Variants in DDX11 observed in about 807,000 individuals in gnomAD.
DDX11 encodes the protein DEAD/H-box helicase 11, also known as ATP-dependent DNA helicase DDX11.
Under a neutral mutation model 125.2 loss-of-function variants are expected in DDX11, and 72 were observed. The observed-to-expected ratio is 0.58, with a 90% CI of 0.48 to 0.70. The LOEUF (loss-of-function observed/expected upper bound fraction) is 0.70, where lower values mean the gene tolerates loss of function less well. Among genes scored for constraint, DDX11 ranks in the 30% least tolerant of loss-of-function variants. The pLI, the probability that DDX11 is intolerant of heterozygous loss-of-function variation, is 0.00. For synonymous variants in DDX11, 347 were observed against 452.6 expected (o/e 0.77, Z 2.96); for missense variants, 883 against 1,165.0 (o/e 0.76, Z 3.52).
chr12:31,100,890 G>A (rs1946261059), intron 19 of DDX11, 137 bp from the exon 20 acceptor site: 1 of 1,095,034 alleles, frequency 9.1e-7, no homozygotes, highest in African/African-American at 1.5e-5. Context: ...TGCCCAGTGT[G>A]ACTGGTGATG....
At chr12:31,096,418 C>G in intron 15 of DDX11, 39 bp downstream of exon 15, 1 of 1,613,008 alleles carries the variant, frequency 6.2e-7, no homozygotes, top group Non-Finnish European at 8.5e-7. Context: ...CAAGACCCAG[C>G]TGTGCCCCAA....
rs1174777282 is a variant in DDX11 at position 31,101,907 on chromosome 12, C to T, written c.2127C>T (p.Ser709=). ...VPGGVVCFFP[S]YEYLRQVHAH... ...GAGGGGTGGTCTGTTTCTTCCCCTC[C>T]TACGAGTACCTGCGCCAGGTCCATG... The change falls in exon 21 of 27, where the codon TCC becomes TCT. Residue 709 remains serine, a synonymous_variant. Coordinates refer to ENST00000542838, the MANE Select transcript of DDX11 (RefSeq NM_030653.4). 1 of 1,613,756 alleles carries T rather than the reference C, an allele frequency of 6.2e-7. No homozygotes were observed. Among genetic ancestry groups the T allele is most frequent in the Non-Finnish European group, 8.5e-7 (1 of 1,179,824 alleles).
chr12:31,094,327 C>T (rs947370910), intron 12 of DDX11: 2 of 471,026 alleles, frequency 4.2e-6, no homozygotes, highest in Non-Finnish European at 8.1e-6. Context: ...TGTGTCCCGG[C>T]CTCCTGGAGA....
At chr12:31,084,186 C>T (rs1400332299) in intron 3 of DDX11, 125 bp downstream of exon 3, 1 of 1,317,588 alleles carries the variant, frequency 7.6e-7, no homozygotes, top group East Asian at 2.3e-5. Context: ...CTCAGCTCTT[C>T]CCTCAGCTCC....
chr12:31,090,141 G>T (rs1213871784), intron 9 of DDX11, 47 bp downstream of exon 9: 6 of 1,545,904 alleles, frequency 3.9e-6, no homozygotes, highest in Non-Finnish European at 5.2e-6. Flanking sequence ...TCTCACTGTG[G>T]TCTAGGCCAT....
chr12:31,094,010 C>T (rs1363192250), intron 12 of DDX11, among the ~76,000 whole-genome samples: 39 of 145,426 alleles, frequency 2.7e-4, no homozygotes, highest in African/African-American at 5.7e-4. Context: ...GTATTTGAAT[C>T]CTTGTTGATA....
intron 2 of DDX11, among the ~76,000 whole-genome samples, chr12:31,079,863 C>G (rs565535301): frequency 2.0e-5 from 3 of 151,924 alleles, no homozygotes; most frequent in South Asian, 2.1e-4. Context: ...GGATACAATT[C>G]AGTCCACAGC....
At chr12:31,100,486 T>G (rs1353547856) in intron 18 of DDX11, 149 bp from the exon 19 acceptor site, 2 of 646,800 alleles carry the variant, frequency 3.1e-6, no homozygotes, top group Admixed American at 3.0e-5. Flanking sequence ...GTCACCATTT[T>G]TCTTTTTGTT....
intron 6 of DDX11, 23 bp downstream of exon 6, chr12:31,088,006 G>C: frequency 6.2e-7 from 1 of 1,607,274 alleles, no homozygotes. Context: ...TCCTCAGCTG[G>C]TGCTGTGCTG....
Position 31,083,793 on chromosome 12 carries a change from G to A in DDX11, c.145-20G>A, listed in dbSNP as rs1216725932. ...GCTTTGTTGTTTTCCTGTTTCTAAA[G>A]ATCATTTTTCTTCCTGCAGGGGAAG... On this transcript the variant is annotated intron_variant, in intron 2 of 26. Coordinates refer to ENST00000542838, the MANE Select transcript of DDX11 (RefSeq NM_030653.4). The A allele has an allele frequency of 7.4e-6, 12 of 1,611,478 alleles. No individual in the cohort carries two copies. The highest frequency in any genetic ancestry group is 1.7e-5 in the Admixed American group (1 of 59,982).
chr12:31,102,020 CA>C, intron 21 of DDX11, 38 bp downstream of exon 21: 2 of 1,602,682 alleles, frequency 1.2e-6, no homozygotes, highest in Non-Finnish European at 1.7e-6. Flanking sequence ...CTTGTGAGGA[CA>C]GTGCCACTGA....
rs759478301 is a variant in DDX11 at position 31,097,990 on chromosome 12, T to G, written c.1868T>G (p.Met623Arg). The change falls in exon 18 of 27, where the codon ATG (methionine) becomes AGG (arginine). Residue 623 changes from methionine (M) to arginine (R), a missense_variant. This residue lies in a region of DDX11 where 241 missense variants were observed against 279.7 expected (regional missense o/e 0.86). Transcript: ENST00000542838. ...CRAVVIAGGT[M>R]QPVSDFRQQL... ...GCAGTGGTCATTGCGGGGGGTACCA[T>G]GCAGCCGGTAAGGACACCTTTCCCA... 4 of 1,613,332 alleles carry G rather than the reference T, an allele frequency of 2.5e-6. No individual in the cohort carries two copies. The South Asian group carries it at 3.3e-5, about 13-fold the overall frequency.
At position 31,096,603 on chromosome 12, in the gene DDX11, G is replaced by A. The variant is rs758855146; in HGVS notation, c.1522-34G>A. 34 of 1,610,650 alleles carry A rather than the reference G, an allele frequency of 2.1e-5. 1 individual carries two copies. The highest frequency in any genetic ancestry group is 1.3e-4 in the Admixed American group (8 of 59,718). On this transcript the variant is annotated intron_variant, in intron 15 of 26. Coordinates refer to ENST00000542838, the MANE Select transcript of DDX11 (RefSeq NM_030653.4). ...AGCCTCTCTCTCATGGCTGTACCTC[G>A]TTCCTCTCCACTGCTCTCTCTCATC...
At position 31,101,622 on chromosome 12, in the gene DDX11, G is replaced by C. The variant is rs1468019693; in HGVS notation, c.2053-211G>C. ...TAGTGCTGTGACATGTGTCAGAAAGGCGCAGTCAGCAGCAGCGGCTGGGTG... is the reference window on the plus strand; with the variant it reads ...TAGTGCTGTGACATGTGTCAGAAAGCCGCAGTCAGCAGCAGCGGCTGGGTG... On this transcript the variant is annotated intron_variant, in intron 20 of 26. Coordinates refer to ENST00000542838, the MANE Select transcript of DDX11 (RefSeq NM_030653.4). 3.7e-5 allele frequency: 23 copies of C among 619,848 alleles called. No individual in the cohort carries two copies. The East Asian group carries it at 5.4e-4, about 15-fold the overall frequency. 38.4% of individuals were successfully genotyped at this position (619,848 alleles called of 1,614,324 possible).
intron 1 of DDX11, among the ~76,000 whole-genome samples, chr12:31,076,102 T>C (rs1734456738): frequency 6.6e-6 from 1 of 152,178 alleles, no homozygotes; most frequent in Non-Finnish European, 1.5e-5. Flanking sequence ...TGACCAGTGC[T>C]CTGTCTTGAG....
chr12:31,078,415 G>T lies in DDX11; in HGVS notation c.22G>T (p.Val8Phe). Residue 8 changes from valine (V) to phenylalanine (F), a missense_variant, in exon 2 of 27, where the codon GTT (valine) becomes TTT (phenylalanine). Transcript: ENST00000542838. ...GTCCATGGCTAATGAAACACAGAAG[G>T]TTGGTGCCATCCATTTTCCTTTTCC... MANETQK[V>F]GAIHFPFPFT... The T allele has an allele frequency of 1.2e-6, 2 of 1,610,266 alleles. No homozygotes were observed. The highest frequency in any genetic ancestry group is 1.7e-5 in the Admixed American group (1 of 59,906).
At position 31,089,100 on chromosome 12, in the gene DDX11, G is replaced by A; in HGVS notation, c.741G>A (p.Lys247=). Residue 247 remains lysine, a synonymous_variant, in exon 7 of 27, where the codon AAG becomes AAA. Transcript: ENST00000542838. ...TGGCCCAGTTTGTGCATGAGGTGAAGAAGAGCCCCTTTGGCAAGGATGTTC... is the reference window on the plus strand; with the variant it reads ...TGGCCCAGTTTGTGCATGAGGTGAAAAAGAGCCCCTTTGGCAAGGATGTTC... ...SQLAQFVHEV[K]KSPFGKDVRL... is the part of the protein sequence containing the mutation. 4 of 1,613,216 alleles carry A rather than the reference G, an allele frequency of 2.5e-6. No individual in the cohort carries two copies. The highest frequency in any genetic ancestry group is 3.4e-6 in the Non-Finnish European group (4 of 1,179,150).
chr12:31,099,158 GCT>G (rs1201050811), intron 18 of DDX11, among the ~76,000 whole-genome samples: 1 of 141,276 alleles, frequency 7.1e-6, no homozygotes, highest in Non-Finnish European at 1.5e-5. Context: ...CCTGATCACG[GCT>G]CTCTGCAACC....
chr12:31,096,738 G>C lies in DDX11; in HGVS notation c.1623G>C (p.Thr541=). The C allele has an allele frequency of 1.2e-6, 2 of 1,614,184 alleles. No individual in the cohort carries two copies. The highest frequency in any genetic ancestry group is 1.7e-6 in the Non-Finnish European group (2 of 1,180,038). The change falls in exon 16 of 27, where the codon ACG becomes ACC. Residue 541 remains threonine (T), a synonymous_variant. Coordinates refer to ENST00000542838, the MANE Select transcript of DDX11 (RefSeq NM_030653.4). ...TCCTGCAGAGCCTGCAGCCCAGGACGACTGAAGGTGAGGCAGGAGGGTGGG... is the reference window on the plus strand; with the variant it reads ...TCCTGCAGAGCCTGCAGCCCAGGACCACTGAAGGTGAGGCAGGAGGGTGGG... ...QQFLQSLQPR[T]TEALAAPADE... is the part of the protein sequence containing the mutation.
Sources: gnomAD v4.1 joint callset for allele counts (sites outside exome capture counted in the v4.1 genomes callset) on GRCh38, gnomAD v4.1.1 for gene constraint, gnomAD v4.1.1 regional missense constraint, MANE v1.5 for transcripts, NCBI Gene and HGNC (gene_info 2026-07-23, HGNC 2026-07-21) for gene names.